Variants in IMMP2L observed in about 807,000 individuals in gnomAD.
IMMP2L encodes the protein inner mitochondrial membrane peptidase subunit 2, also known as mitochondrial inner membrane protease subunit 2.
IMMP2L carries 18 observed loss-of-function variants against 19.3 expected under a neutral mutation model. That is an observed-to-expected ratio of 0.93 (90% CI 0.64 to 1.38). IMMP2L has a LOEUF of 1.38. Among genes scored for constraint, IMMP2L ranks in the 40% most tolerant of loss-of-function variants. IMMP2L has a pLI of 0.00. For synonymous variants in IMMP2L, 76 were observed against 73.0 expected, an observed-to-expected ratio of 1.04 and a Z score of -0.21; for missense variants, 233 against 218.2, an observed-to-expected ratio of 1.07 and a Z score of -0.43.
In IMMP2L at chr7:110,760,314, TC is replaced by T. The variant is rs1488553227; in HGVS notation, c.409-96594del. Among the ~76,000 whole-genome samples, 3 of 152,134 alleles carry T rather than the reference TC, an allele frequency of 2.0e-5. No individual in the cohort carries two copies. Among genetic ancestry groups the T allele is most frequent in the Non-Finnish European group, 2.9e-5 (2 of 68,024 alleles). ...TCACATTAAGTTTAAATTGGAAACT[TC>T]TTTTTCTAATAGAGATAATCTGTAT... On this transcript the variant is annotated intron_variant, in intron 5 of 5. Coordinates refer to ENST00000405709, the MANE Select transcript of IMMP2L (RefSeq NM_032549.4). This position sits in a 1 kb window ranked among gnomAD's most constrained non-coding sequence, Gnocchi z 4.2.
At chr7:110,703,796 G>A (rs1479102231) in intron 5 of IMMP2L, among the ~76,000 whole-genome samples, 6 of 151,924 alleles carry the variant, frequency 3.9e-5, no homozygotes, top group Non-Finnish European at 7.4e-5. Context: ...AAAATCTTAC[G>A]GAATTGTAAT....
At chr7:111,100,424 A>C (rs921380494) in intron 3 of IMMP2L, among the ~76,000 whole-genome samples, 1 of 148,108 alleles carries the variant, frequency 6.8e-6, no homozygotes, top group African/African-American at 2.4e-5. Context: ...ATATATAATA[A>C]AATATATGTA....
intron 3 of IMMP2L, among the ~76,000 whole-genome samples, chr7:111,127,935 A>G (rs1315334661): frequency 6.6e-6 from 1 of 152,194 alleles, no homozygotes; most frequent in Non-Finnish European, 1.5e-5. Flanking sequence ...GCAAAACAAA[A>G]TATGTATTTT....
intron 5 of IMMP2L, among the ~76,000 whole-genome samples, chr7:110,821,449 T>C (rs187839749): frequency 7.2e-5 from 11 of 152,204 alleles, no homozygotes; most frequent in Admixed American, 3.3e-4. Flanking sequence ...ATATCAGATA[T>C]GTTAAAGGGA....
intron 5 of IMMP2L, among the ~76,000 whole-genome samples, chr7:110,698,694 A>T (rs1446524117): frequency 1.3e-5 from 2 of 152,224 alleles, no homozygotes; most frequent in African/African-American, 4.8e-5. Flanking sequence ...TAAGAGTGGG[A>T]GAAAGCCAAA....
chr7:111,070,445 G>A (rs1302152539), intron 3 of IMMP2L, among the ~76,000 whole-genome samples: 1 of 149,054 alleles, frequency 6.7e-6, no homozygotes, highest in Non-Finnish European at 1.5e-5. Flanking sequence ...ACAACAGCTA[G>A]AAAAAACTTA....
At chr7:111,542,216 A>G (rs1014016263) in intron 1 of IMMP2L, among the ~76,000 whole-genome samples, 1 of 152,142 alleles carries the variant, frequency 6.6e-6, no homozygotes, top group African/African-American at 2.4e-5. Flanking sequence ...ATTATGACAA[A>G]AAATATACAA....
At position 111,226,198 on chromosome 7, in the gene IMMP2L, C is replaced by T. The variant is rs184135816; in HGVS notation, c.239+261040G>A. 4.8e-3 allele frequency among the ~76,000 whole-genome samples: 733 copies of T among 151,816 alleles called. 24 individuals are homozygous for T. Among genetic ancestry groups the T allele is most frequent in the Admixed American group, 0.042 (643 of 15,234 alleles). On this transcript the variant is annotated intron_variant, in intron 3 of 5. Transcript: ENST00000405709. ...CTGAGACAGGGTCTTGCTCTGTTAC[C>T]GAGGCTGAAGTATGGCACAATCACG...
At chr7:111,192,621 A>AT (rs1809013397) in intron 3 of IMMP2L, among the ~76,000 whole-genome samples, 1 of 152,272 alleles carries the variant, frequency 6.6e-6, no homozygotes, top group East Asian at 1.9e-4. Flanking sequence ...GAACACACCA[A>AT]TTATGAAGTG....
At chr7:111,147,228 CTGTTGT>C (rs997575216) in intron 3 of IMMP2L, among the ~76,000 whole-genome samples, 1 of 151,950 alleles carries the variant, frequency 6.6e-6, no homozygotes, top group Non-Finnish European at 1.5e-5. Flanking sequence ...GTTGTTGTTG[CTGTTGT>C]TGTTGTTGTT....
intron 3 of IMMP2L, among the ~76,000 whole-genome samples, chr7:111,288,814 T>A (rs758883812): frequency 1.6e-4 from 25 of 152,080 alleles, no homozygotes; most frequent in Admixed American, 1.2e-3. Flanking sequence ...TTTTACACTG[T>A]TGGTGGGAGT....
At chr7:111,152,966 A>G (rs1804242281) in intron 3 of IMMP2L, among the ~76,000 whole-genome samples, 1 of 152,092 alleles carries the variant, frequency 6.6e-6, no homozygotes, top group African/African-American at 2.4e-5. Context: ...ATCAAGACTC[A>G]ATGTAATATT....
At chr7:110,844,832 A>T (rs1172430754) in intron 5 of IMMP2L, among the ~76,000 whole-genome samples, 2 of 152,006 alleles carry the variant, frequency 1.3e-5, no homozygotes, top group African/African-American at 4.8e-5. Flanking sequence ...AACTATGGCC[A>T]GGAAATTTAC....
At chr7:111,298,417 T>G (rs1030469144) in intron 3 of IMMP2L, among the ~76,000 whole-genome samples, 2 of 152,106 alleles carry the variant, frequency 1.3e-5, no homozygotes, top group African/African-American at 4.8e-5. Context: ...GTGTCTGGGA[T>G]TTGAAAAATG....
At chr7:111,507,747 A>G (rs866479278) in intron 2 of IMMP2L, among the ~76,000 whole-genome samples, 45 of 152,262 alleles carry the variant, frequency 3.0e-4, no homozygotes, top group African/African-American at 9.6e-4. Context: ...AGAACAACCA[A>G]AATGTATCTG....
chr7:111,176,922 A>G lies in IMMP2L; in HGVS notation c.240-213357T>C, dbSNP rs114445488. Among the ~76,000 whole-genome samples the G allele has an allele frequency of 4.5e-3, 685 of 152,150 alleles. 5 individuals are homozygous for G. The highest frequency in any genetic ancestry group is 0.014 in the African/African-American group (587 of 41,538). Reference sequence around the variant, plus strand: ...ATTTTCTACATGTAGTATAAGAAAGAAAGGAAAATCTGTGTCCCTTAATAC... The same window carrying G: ...ATTTTCTACATGTAGTATAAGAAAGGAAGGAAAATCTGTGTCCCTTAATAC... On this transcript the variant is annotated intron_variant, in intron 3 of 5. Transcript: ENST00000405709.
chr7:111,408,989 T>G (rs1315295931), intron 3 of IMMP2L, among the ~76,000 whole-genome samples: 1 of 151,744 alleles, frequency 6.6e-6, no homozygotes, highest in Non-Finnish European at 1.5e-5. Flanking sequence ...AAAGCTAGAA[T>G]AAAAATGGTG....
At chr7:111,437,683 T>C (rs1837317129) in intron 3 of IMMP2L, among the ~76,000 whole-genome samples, 1 of 151,940 alleles carries the variant, frequency 6.6e-6, no homozygotes. Context: ...CACCTTACAA[T>C]GTATGGTATC....
At chr7:111,058,001 TA>T in intron 3 of IMMP2L, among the ~76,000 whole-genome samples, 1 of 152,316 alleles carries the variant, frequency 6.6e-6, no homozygotes, top group East Asian at 1.9e-4. Context: ...TTTTGTTCTT[TA>T]GGATCTTCAG....
Sources: allele counts gnomAD v4.1 joint callset (sites outside exome capture counted in the v4.1 genomes callset), GRCh38; gene constraint gnomAD v4.1.1; non-coding constraint Gnocchi (gnomAD v3.1); transcripts MANE v1.5; gene names NCBI Gene and HGNC (gene_info 2026-07-23, HGNC 2026-07-21).